Variants in ZNF730 observed in about 807,000 individuals in gnomAD.
ZNF730 encodes the protein zinc finger protein 730.
In ZNF730, 12 loss-of-function variants were observed where a neutral mutation model predicts 12.6. The ratio of observed to expected loss-of-function variants is 0.95; its 90% CI spans 0.61 to 1.54. ZNF730 has a LOEUF of 1.54. Ranked by LOEUF, ZNF730 falls within the 40% of genes most tolerant of loss-of-function variation. ZNF730 has a pLI of 0.00. For missense variants in ZNF730, 643 were observed against 583.5 expected, an observed-to-expected ratio of 1.10 and a Z score of -1.05; for synonymous variants, 194 against 195.8, an observed-to-expected ratio of 0.99 and a Z score of 0.08.
Position 23,134,617 on chromosome 19 carries a change from C to T in ZNF730, c.130+411C>T, listed in dbSNP as rs545564931. On this transcript the variant is annotated intron_variant, in intron 2 of 3. Coordinates refer to ENST00000597761, the MANE Select transcript of ZNF730 (RefSeq NM_001277403.2). ...AGGGTGGGGGGGGGGGTCAGCCCCC[C>T]GCCCGGCCAGCCGCCCCATCCAGGA... is the stretch of plus-strand genomic sequence containing the variant. Among the ~76,000 whole-genome samples the T allele has an allele frequency of 2.5e-4, 37 of 145,202 alleles. 1 individual carries two copies. Among genetic ancestry groups the T allele is most frequent in the African/African-American group, 3.3e-4 (13 of 39,338 alleles).
intron 1 of ZNF730, among the ~76,000 whole-genome samples, chr19:23,109,484 C>T (rs889464359): frequency 2.0e-5 from 3 of 151,888 alleles, no homozygotes; most frequent in African/African-American, 7.3e-5. Flanking sequence ...TGTCGACTCA[C>T]TGCAGCCTCT....
At chr19:23,141,936 A>G (rs1228257113) in intron 3 of ZNF730, among the ~76,000 whole-genome samples, 1 of 151,294 alleles carries the variant, frequency 6.6e-6, no homozygotes. Context: ...AGAAAGTGCA[A>G]TATTAAAGTA....
At chr19:23,127,873 A>G (rs1970689883) in intron 1 of ZNF730, 2 of 661,352 alleles carry the variant, frequency 3.0e-6, no homozygotes, top group South Asian at 1.7e-5. Context: ...AGAGGATGTG[A>G]TATTACACAC....
At chr19:23,120,447 T>A (rs548892204) in intron 1 of ZNF730, among the ~76,000 whole-genome samples, 39 of 152,250 alleles carry the variant, frequency 2.6e-4, no homozygotes, top group African/African-American at 9.4e-4. Context: ...TTTTTTAGAT[T>A]TTCTAGTTTT....
intron 1 of ZNF730, among the ~76,000 whole-genome samples, chr19:23,105,122 T>TC (rs71163444): frequency 0.56 from 83,026 of 147,040 alleles, 24,979 homozygotes; most frequent in South Asian, 0.72. Context: ...TCTTTTCTTT[T>TC]TTTTTTTTTT....
intron 1 of ZNF730, chr19:23,095,412 T>C (rs1970232336): frequency 5.0e-6 from 2 of 398,504 alleles, no homozygotes; most frequent in East Asian, 3.6e-5. Flanking sequence ...TGGAGGACTT[T>C]GTGATGTATC....
chr19:23,083,407 C>T (rs1970000720), intron 1 of ZNF730, among the ~76,000 whole-genome samples: 1 of 152,090 alleles, frequency 6.6e-6, no homozygotes, highest in African/African-American at 2.4e-5. Context: ...CTGAGGGACA[C>T]AGCGAGACTC....
intron 1 of ZNF730, among the ~76,000 whole-genome samples, chr19:23,102,460 G>A (rs1970346043): frequency 6.6e-6 from 1 of 151,660 alleles, no homozygotes; most frequent in African/African-American, 2.4e-5. Flanking sequence ...TAGCTCACAG[G>A]TGTGATGATG....
At chr19:23,101,187 A>G (rs894219014) in intron 1 of ZNF730, among the ~76,000 whole-genome samples, 4 of 152,040 alleles carry the variant, frequency 2.6e-5, no homozygotes, top group African/African-American at 9.7e-5. Flanking sequence ...TGTCTTTTGA[A>G]TGTACACCCA....
intron 1 of ZNF730, among the ~76,000 whole-genome samples, chr19:23,084,269 C>A (rs1173045610): frequency 1.3e-5 from 2 of 152,074 alleles, no homozygotes; most frequent in African/African-American, 4.8e-5. Context: ...GCACATTGAT[C>A]TATGTGTTTG....
At chr19:23,109,526 A>G (rs1970436562) in intron 1 of ZNF730, among the ~76,000 whole-genome samples, 1 of 151,770 alleles carries the variant, frequency 6.6e-6, no homozygotes, top group Non-Finnish European at 1.5e-5. Flanking sequence ...CTCCTGCCTC[A>G]GCCTCCCGAG....
intron 1 of ZNF730, among the ~76,000 whole-genome samples, chr19:23,077,142 A>G (rs1969876239): frequency 6.6e-6 from 1 of 152,182 alleles, no homozygotes; most frequent in African/African-American, 2.4e-5. Context: ...TGATGGGAAC[A>G]CATGGACACA....
intron 1 of ZNF730, chr19:23,126,839 A>G (rs145395762): frequency 1.9e-5 from 10 of 537,898 alleles, no homozygotes; most frequent in Non-Finnish European, 3.3e-5. Flanking sequence ...TAGCATTTTC[A>G]TAATCCAGTA....
At chr19:23,126,173 AG>A (rs1206516347) in intron 1 of ZNF730, among the ~76,000 whole-genome samples, 1 of 152,238 alleles carries the variant, frequency 6.6e-6, no homozygotes, top group East Asian at 1.9e-4. Flanking sequence ...AAGGCAATAA[AG>A]GCAATCTTTA....
chr19:23,088,987 C>G (rs1156899560), intron 1 of ZNF730, among the ~76,000 whole-genome samples: 1 of 151,904 alleles, frequency 6.6e-6, no homozygotes, highest in East Asian at 1.9e-4. Flanking sequence ...ATTCTTCTTC[C>G]TCAGCCTCTC....
chr19:23,145,422 CA>C lies in ZNF730; in HGVS notation c.384del (p.Gly129ValfsTer9). On this transcript the variant is annotated frameshift_variant, in exon 4 of 4. Coordinates refer to ENST00000597761, the MANE Select transcript of ZNF730 (RefSeq NM_001277403.2). LOFTEE classifies it low-confidence loss of function (END_TRUNC). ...AAAATGTGGATGAGTTTAAGATGCA[CA>C]AAAAAGGTTATAATAGACATAACCA... is the stretch of plus-strand genomic sequence containing the variant. ...CKNVDEFKMH[K>X]KGYNRHNQCL... is the part of the protein sequence containing the mutation. 1 of 1,582,468 alleles carries C rather than the reference CA, an allele frequency of 6.3e-7. No homozygotes were observed. Among genetic ancestry groups the C allele is most frequent in the Non-Finnish European group, 8.6e-7 (1 of 1,165,378 alleles).
intron 1 of ZNF730, among the ~76,000 whole-genome samples, chr19:23,107,449 CAAAAAAAA>C (rs57120684): frequency 3.0e-4 from 14 of 47,318 alleles, no homozygotes; most frequent in Admixed American, 1.1e-3. Flanking sequence ...AAAAAAATAC[CAAAAAAAA>C]AAAAAAAAAA....
At chr19:23,129,581 C>G (rs559212878) in intron 1 of ZNF730, among the ~76,000 whole-genome samples, 1 of 150,960 alleles carries the variant, frequency 6.6e-6, no homozygotes, top group African/African-American at 2.4e-5. Flanking sequence ...ATCCCCCCCC[C>G]CATTATATCA....
At chr19:23,118,375 TTTTGTTTTTTTAA>T in intron 1 of ZNF730, among the ~76,000 whole-genome samples, 1 of 151,644 alleles carries the variant, frequency 6.6e-6, no homozygotes, top group East Asian at 1.9e-4. Context: ...TGTTTTTTTT[TTTTGTTTTTTTAA>T]TTTTTATGGG....
Sources: gnomAD v4.1 joint callset for allele counts (sites outside exome capture counted in the v4.1 genomes callset) on GRCh38, gnomAD v4.1.1 for gene constraint, MANE v1.5 for transcripts, NCBI Gene and HGNC (gene_info 2026-07-23, HGNC 2026-07-21) for gene names.